The following KANK1 variants were observed in gnomAD, a reference collection of about 807,000 sequenced individuals.
The protein encoded by KANK1 is KN motif and ankyrin repeat domain-containing protein 1.
In KANK1, 109 loss-of-function variants were observed where a neutral mutation model predicts 106.2. The ratio of observed to expected loss-of-function variants is 1.03; its 90% CI spans 0.88 to 1.20. The LOEUF (loss-of-function observed/expected upper bound fraction) is 1.20, where lower values mean the gene tolerates loss of function less well. Among genes scored for constraint, KANK1 ranks in the 50% most tolerant of loss-of-function variants. The pLI, the probability that KANK1 is intolerant of heterozygous loss-of-function variation, is 0.00. For synonymous variants in KANK1, 873 were observed against 652.2 expected (o/e 1.34, Z -5.16); for missense variants, 2,399 against 1,710.7 (o/e 1.40, Z -7.10).
chr9:641,120 A>T (rs949711359), intron 1 of KANK1, among the ~76,000 whole-genome samples: 3 of 152,208 alleles, frequency 2.0e-5, no homozygotes, highest in African/African-American at 7.2e-5. Context: ...CATTTATACC[A>T]GTGATATACT....
intron 3 of KANK1, among the ~76,000 whole-genome samples, chr9:729,640 C>T (rs1191066481): frequency 1.3e-5 from 2 of 152,192 alleles, no homozygotes; most frequent in Non-Finnish European, 2.9e-5. Context: ...GCAGTGTGGA[C>T]TACATTTCCT....
chr9:530,014 G>T (rs565730846), intron 1 of KANK1, among the ~76,000 whole-genome samples: 1 of 152,036 alleles, frequency 6.6e-6, no homozygotes, highest in Non-Finnish European at 1.5e-5. Context: ...TTTTTAATTT[G>T]CATTTCTCTT....
chr9:703,697 AGATTTTTTT>A (rs974498138), intron 2 of KANK1, among the ~76,000 whole-genome samples: 3 of 151,832 alleles, frequency 2.0e-5, no homozygotes, highest in African/African-American at 7.3e-5. Flanking sequence ...TAACCCAGGT[AGATTTTTTT>A]TTTTAAACTG....
intron 1 of KANK1, among the ~76,000 whole-genome samples, chr9:572,145 C>G (rs954491988): frequency 2.3e-5 from 3 of 130,740 alleles, no homozygotes; most frequent in Non-Finnish European, 4.7e-5. Flanking sequence ...TTGTAATAAA[C>G]AGTGATTTTT....
At chr9:494,606 C>T (rs1203972241) in intron 3 of KANK1, among the ~76,000 whole-genome samples, 1 of 152,148 alleles carries the variant, frequency 6.6e-6, no homozygotes, top group African/African-American at 2.4e-5. Context: ...CTGGGGGAAA[C>T]CAGCTGCCAT....
At chr9:526,882 T>C (rs576452122) in intron 1 of KANK1, among the ~76,000 whole-genome samples, 2 of 151,956 alleles carry the variant, frequency 1.3e-5, no homozygotes, top group East Asian at 3.9e-4. Flanking sequence ...GATGAAGATA[T>C]AACTCTTATG....
intron 1 of KANK1, among the ~76,000 whole-genome samples, chr9:659,189 G>A (rs1842782906): frequency 6.6e-6 from 1 of 152,190 alleles, no homozygotes; most frequent in African/African-American, 2.4e-5. Context: ...TTGAATAAAT[G>A]AGTGAAACAA....
At chr9:661,668 T>G (rs1330472793) in intron 1 of KANK1, among the ~76,000 whole-genome samples, 4 of 152,188 alleles carry the variant, frequency 2.6e-5, no homozygotes, top group Non-Finnish European at 5.9e-5. Flanking sequence ...TCAAGTGGTA[T>G]TTCTAATTCT....
intron 1 of KANK1, among the ~76,000 whole-genome samples, chr9:650,787 A>G (rs972415701): frequency 6.6e-6 from 1 of 152,148 alleles, no homozygotes; most frequent in African/African-American, 2.4e-5. Flanking sequence ...CCTGCTAATG[A>G]AATGAATAAA....
chr9:744,389 G>A (rs1778872159), intron 10 of KANK1, 102 bp from the exon 11 acceptor site: 3 of 1,351,086 alleles, frequency 2.2e-6, no homozygotes, highest in Admixed American at 2.2e-5. Context: ...GGATATTTGG[G>A]GAACCTTGCC....
chr9:639,384 G>A (rs1837874430), intron 1 of KANK1, among the ~76,000 whole-genome samples: 1 of 151,988 alleles, frequency 6.6e-6, no homozygotes, highest in Non-Finnish European at 1.5e-5. Flanking sequence ...AGAGTGCAGT[G>A]GCACGATCTG....
intron 1 of KANK1, among the ~76,000 whole-genome samples, chr9:550,059 C>T (rs1015226166): frequency 3.9e-5 from 6 of 152,070 alleles, no homozygotes; most frequent in Admixed American, 3.3e-4. Context: ...CTTGCTTTCT[C>T]GTGAGGAATG....
chr9:730,266 C>G lies in KANK1; in HGVS notation c.2896+18C>G. The G allele has an allele frequency of 1.2e-6, 2 of 1,611,934 alleles. No homozygotes were observed. Among genetic ancestry groups the G allele is most frequent in the South Asian group, 1.1e-5 (1 of 91,026 alleles). On this transcript the variant is annotated intron_variant, in intron 4 of 11. Coordinates refer to ENST00000382297, the MANE Select transcript of KANK1 (RefSeq NM_015158.5). ...CCTCTATGGTAACTTTTCTCACTCA[C>G]AGTCATTGGCATCAGGATTCTAGGG...
intron 3 of KANK1, among the ~76,000 whole-genome samples, chr9:490,304 A>G (rs1028390676): frequency 3.6e-4 from 55 of 152,284 alleles, no homozygotes; most frequent in African/African-American, 1.3e-3. Flanking sequence ...TCAGGAGTTC[A>G]AGACCATCCT....
chr9:696,555 G>C (rs1821356804), intron 2 of KANK1, among the ~76,000 whole-genome samples: 1 of 152,096 alleles, frequency 6.6e-6, no homozygotes, highest in South Asian at 2.1e-4. Context: ...AGGGTGTGCT[G>C]GGTAGAGGGG....
chr9:505,497 C>G (rs1018304959), intron 1 of KANK1, among the ~76,000 whole-genome samples: 1 of 152,230 alleles, frequency 6.6e-6, no homozygotes, highest in African/African-American at 2.4e-5. Flanking sequence ...GTTTTCTGTG[C>G]CGCTTTGGGC....
intron 1 of KANK1, among the ~76,000 whole-genome samples, chr9:628,075 C>T (rs935413413): frequency 1.3e-5 from 2 of 152,156 alleles, no homozygotes; most frequent in Admixed American, 1.3e-4. Flanking sequence ...AATACAGTTG[C>T]TTATTTCATT....
At chr9:615,402 C>T (rs1417386437) in intron 1 of KANK1, among the ~76,000 whole-genome samples, 3 of 152,120 alleles carry the variant, frequency 2.0e-5, no homozygotes, top group African/African-American at 7.2e-5. Context: ...TTTTTTCTTT[C>T]TACAGAAGTA....
At chr9:486,496 C>T (rs1309060210) in intron 3 of KANK1, among the ~76,000 whole-genome samples, 2 of 152,248 alleles carry the variant, frequency 1.3e-5, no homozygotes, top group South Asian at 2.1e-4. Context: ...TCTCATTTTA[C>T]AGATGAGGAA....
Sources: gnomAD v4.1 joint callset for allele counts (sites outside exome capture counted in the v4.1 genomes callset) on GRCh38, gnomAD v4.1.1 for gene constraint, MANE v1.5 for transcripts, NCBI Gene and HGNC (gene_info 2026-07-23, HGNC 2026-07-21) for gene names.